The following PCNX2 variants were observed in gnomAD, a reference collection of about 807,000 sequenced individuals.
The protein encoded by PCNX2 is pecanex-like protein 2.
A neutral mutation model predicts 223.8 loss-of-function variants in PCNX2; 168 were observed. The ratio of observed to expected loss-of-function variants is 0.75; its 90% CI spans 0.66 to 0.85. The LOEUF is 0.85. PCNX2 is among the 40% of genes least tolerant of loss of function. PCNX2 has a pLI of 0.00. For missense variants in PCNX2, 2,507 were observed against 2,675.5 expected (o/e 0.94, Z 1.39); for synonymous variants, 1,006 against 1,052.6 (o/e 0.96, Z 0.86).
At position 232,986,396 on chromosome 1, in the gene PCNX2, C is replaced by G. The variant is rs775281012; in HGVS notation, c.5936G>C (p.Arg1979Thr). 3 of 1,604,558 alleles carry G rather than the reference C, an allele frequency of 1.9e-6. No individual in the cohort carries two copies. Among genetic ancestry groups the G allele is most frequent in the Non-Finnish European group, 2.6e-6 (3 of 1,175,560 alleles). Residue 1979 changes from arginine to threonine, a missense_variant, in exon 33 of 34, where the codon AGG becomes ACG. By Grantham distance (71) the Arg-to-Thr change is moderately conservative (BLOSUM62 -1). Coordinates refer to ENST00000258229, the MANE Select transcript of PCNX2 (RefSeq NM_014801.4). ...TSTSVHELAQ[R>T]LSGSRLSLHA... The stretch of plus-strand genomic sequence containing the variant: ...CAAGGAGAGCCGGCTGCCCGAGAGC[C>G]TCTGGGCCAGCTCGTGCACTGAGGT...
rs1677389214 is a variant in PCNX2 at position 233,145,485 on chromosome 1, T to A, written c.3518-5630A>T. ...ACTTCTATTTCCCCCAGCACTGGAG[T>A]GAACTGTGATGTTTTATGTGCCTCT... On this transcript the variant is annotated intron_variant, in intron 19 of 33. Transcript: ENST00000258229. 2.0e-5 allele frequency among the ~76,000 whole-genome samples: 3 copies of A among 152,092 alleles called. No individual in the cohort carries two copies. In the South Asian group the frequency reaches 6.2e-4, roughly 32 times the overall value.
intron 21 of PCNX2, among the ~76,000 whole-genome samples, chr1:233,128,871 G>C (rs77124888): frequency 6.6e-6 from 1 of 152,192 alleles, no homozygotes; most frequent in African/African-American, 2.4e-5. Flanking sequence ...ATGAAGGAGC[G>C]AGGAAGAAGG....
At chr1:233,282,210 C>T (rs555078440) in intron 1 of PCNX2, among the ~76,000 whole-genome samples, 4 of 152,224 alleles carry the variant, frequency 2.6e-5, no homozygotes, top group South Asian at 2.1e-4. Flanking sequence ...TGTCTCCCGA[C>T]GCCTCCTCTT....
chr1:233,257,975 AG>A, intron 5 of PCNX2, 52 bp downstream of exon 5: 1 of 1,546,792 alleles, frequency 6.5e-7, no homozygotes, highest in Non-Finnish European at 8.7e-7. Flanking sequence ...AATGGCAAAA[AG>A]GTGTATTGCC....
chr1:233,235,957 A>AAATATATATATATATATATAT (rs369886650), intron 9 of PCNX2, among the ~76,000 whole-genome samples: 26 of 93,092 alleles, frequency 2.8e-4, no homozygotes, highest in African/African-American at 5.5e-4. Flanking sequence ...CATAAAAAAA[A>AAATATATATATATATATATAT]ATATATATAT....
chr1:233,054,109 A>C (rs1051541124), intron 25 of PCNX2, among the ~76,000 whole-genome samples, 159 bp downstream of exon 25: 1 of 152,090 alleles, frequency 6.6e-6, no homozygotes, highest in African/African-American at 2.4e-5. Context: ...CCTTCAGATG[A>C]CTGTAGTTTA....
intron 1 of PCNX2, among the ~76,000 whole-genome samples, chr1:233,283,752 G>GA (rs1431964134): frequency 6.6e-6 from 1 of 152,088 alleles, no homozygotes; most frequent in Non-Finnish European, 1.5e-5. Flanking sequence ...AAGAAAATTA[G>GA]AAAATTACCA....
intron 17 of PCNX2, among the ~76,000 whole-genome samples, chr1:233,168,693 T>C (rs1053500352): frequency 6.6e-6 from 1 of 152,106 alleles, no homozygotes; most frequent in Non-Finnish European, 1.5e-5. Context: ...TTTTTTTTCA[T>C]ATTTTGAATT....
chr1:233,065,330 GC>G (rs1455851308), intron 23 of PCNX2: 1 of 152,084 alleles, frequency 6.6e-6, no homozygotes, highest in Admixed American at 6.6e-5. Flanking sequence ...TCTATTTGAG[GC>G]CTGCAATGAA....
At chr1:233,238,599 G>A (rs1314634919) in intron 8 of PCNX2, among the ~76,000 whole-genome samples, 1 of 151,788 alleles carries the variant, frequency 6.6e-6, no homozygotes, top group Non-Finnish European at 1.5e-5. Context: ...AGGCTGAGGT[G>A]GGAGGACCAC....
intron 1 of PCNX2, among the ~76,000 whole-genome samples, chr1:233,271,955 G>A (rs753882037): frequency 6.6e-6 from 1 of 151,956 alleles, no homozygotes; most frequent in Non-Finnish European, 1.5e-5. Context: ...TTGGCTATGC[G>A]GGCTCCTTGG....
At chr1:232,997,861 T>C (rs1455126502) in intron 32 of PCNX2, among the ~76,000 whole-genome samples, 1 of 152,096 alleles carries the variant, frequency 6.6e-6, no homozygotes, top group Non-Finnish European at 1.5e-5. Context: ...AGGAGGCCTG[T>C]TTGTGTGCCC....
chr1:233,243,834 T>C (rs1166625289), intron 8 of PCNX2, among the ~76,000 whole-genome samples: 1 of 147,818 alleles, frequency 6.8e-6, no homozygotes, highest in African/African-American at 2.7e-5. Flanking sequence ...TTATTTTTTA[T>C]TTTTTATTTT....
rs2102807896 is a variant in PCNX2, at chr1:233,154,194, T to A, written c.3517+6089A>T. 2.0e-5 allele frequency among the ~76,000 whole-genome samples: 3 copies of A among 152,310 alleles called. No individual in the cohort carries two copies. In the Middle Eastern group the frequency reaches 0.01, roughly 518 times the overall value. ...CCTGGGTTCAAGCGATTCTCCTGCC[T>A]CAGCCTCCAGAGTAGCTGGGACTAC... On this transcript the variant is annotated intron_variant, in intron 19 of 33. Coordinates refer to ENST00000258229, the MANE Select transcript of PCNX2 (RefSeq NM_014801.4).
intron 25 of PCNX2, among the ~76,000 whole-genome samples, chr1:233,029,998 A>G (rs1035681165): frequency 2.0e-5 from 3 of 152,316 alleles, no homozygotes; most frequent in East Asian, 1.9e-4. Flanking sequence ...GTTAAAAAAA[A>G]TCTGGATAAT....
chr1:233,142,955 C>T (rs757807951), intron 19 of PCNX2, among the ~76,000 whole-genome samples: 2 of 152,130 alleles, frequency 1.3e-5, no homozygotes, highest in African/African-American at 2.4e-5. Flanking sequence ...TTTCCTTCTC[C>T]CCCTATTATT....
In PCNX2 at chr1:233,133,397, A is replaced by G. The variant is rs1307539313; in HGVS notation, c.3837+1616T>C. Reference sequence around the variant, plus strand: ...AGAAAAATGGGATAAGTTAATCAGAACAGAACAGAACTCAGCAAACAGGAA... The same window carrying G: ...AGAAAAATGGGATAAGTTAATCAGAGCAGAACAGAACTCAGCAAACAGGAA... On this transcript the variant is annotated intron_variant, in intron 21 of 33. Transcript: ENST00000258229. Among the ~76,000 whole-genome samples the G allele has an allele frequency of 5.3e-5, 8 of 152,336 alleles. No individual in the cohort carries two copies. The East Asian group carries it at 1.5e-3, about 29-fold the overall frequency.
chr1:233,118,707 A>C (rs1437454997), intron 21 of PCNX2, among the ~76,000 whole-genome samples: 1 of 152,186 alleles, frequency 6.6e-6, no homozygotes, highest in Admixed American at 6.5e-5. Context: ...ACTCTAATGA[A>C]AGAAATCAAA....
In PCNX2 at chr1:232,998,298, C is replaced by T; in HGVS notation, c.5744G>A (p.Gly1915Asp). 1 of 1,607,856 alleles carries T rather than the reference C, an allele frequency of 6.2e-7. No individual in the cohort carries two copies. The highest frequency in any genetic ancestry group is 8.5e-7 in the Non-Finnish European group (1 of 1,176,922). The change falls in exon 32 of 34, where the codon GGC becomes GAC. Residue 1915 changes from glycine (G) to aspartate (D), a missense_variant. Physicochemically the swap from Gly to Asp is moderately conservative, Grantham distance 94. This residue lies in a region of PCNX2 where 1,372 missense variants were observed against 1,509.4 expected (regional missense o/e 0.91). Coordinates refer to ENST00000258229, the MANE Select transcript of PCNX2 (RefSeq NM_014801.4). ...QESSAEQPRK[G>D]GAQHGVSSCE... ...GGATGACACCCCGTGCTGAGCACCGCCTTTTCTGGGCTGTTCTGCGCTGCT... is the reference window on the plus strand; with the variant it reads ...GGATGACACCCCGTGCTGAGCACCGTCTTTTCTGGGCTGTTCTGCGCTGCT...
Sources: allele counts gnomAD v4.1 joint callset (sites outside exome capture counted in the v4.1 genomes callset), GRCh38; gene constraint gnomAD v4.1.1; regional missense constraint gnomAD v4.1.1; transcripts MANE v1.5; gene names NCBI Gene and HGNC (gene_info 2026-07-23, HGNC 2026-07-21).